Variants in CPQ observed in about 807,000 individuals in gnomAD.
CPQ encodes the protein Ser-Met dipeptidase.
A neutral mutation model predicts 45.7 loss-of-function variants in CPQ; 37 were observed. That is an observed-to-expected ratio of 0.81 (90% confidence interval 0.62 to 1.07). The LOEUF (loss-of-function observed/expected upper bound fraction) is 1.07, where lower values mean the gene tolerates loss of function less well. Among genes scored for constraint, CPQ ranks in the 50% least tolerant of loss-of-function variants. CPQ has a pLI of 0.00. For synonymous variants in CPQ, 186 were observed against 205.8 expected (o/e 0.90, Z 0.82); for missense variants, 537 against 572.9 (o/e 0.94, Z 0.64).
At position 97,046,706 on chromosome 8, in the gene CPQ, A is replaced by C. The variant is rs144619678; in HGVS notation, c.1053+17212A>C. ...CATATTTGTAAATGTGTTTCAGGCAACTCTCCAGGTAGTAACTGAGGGCTG... is the reference window on the plus strand; with the variant it reads ...CATATTTGTAAATGTGTTTCAGGCACCTCTCCAGGTAGTAACTGAGGGCTG... On this transcript the variant is annotated intron_variant, in intron 6 of 7. Coordinates refer to ENST00000220763, the MANE Select transcript of CPQ (RefSeq NM_016134.4). Among the ~76,000 whole-genome samples, 558 of 152,160 alleles carry C rather than the reference A, an allele frequency of 3.7e-3. 1 individual carries two copies. Among genetic ancestry groups the C allele is most frequent in the African/African-American group, 0.012 (511 of 41,510 alleles).
chr8:97,040,836 G>T (rs1348980584), intron 6 of CPQ, among the ~76,000 whole-genome samples: 2 of 152,116 alleles, frequency 1.3e-5, no homozygotes, highest in Admixed American at 6.6e-5. Flanking sequence ...CTGTTCCATT[G>T]ATCTATATCT....
intron 1 of CPQ, among the ~76,000 whole-genome samples, chr8:96,747,940 T>C (rs1203620344): frequency 6.6e-6 from 1 of 152,212 alleles, no homozygotes; most frequent in Non-Finnish European, 1.5e-5. Context: ...TATGATACTT[T>C]GAATGAGAAA....
intron 7 of CPQ, among the ~76,000 whole-genome samples, chr8:97,113,664 G>A (rs1811536978): frequency 6.6e-6 from 1 of 152,196 alleles, no homozygotes; most frequent in Non-Finnish European, 1.5e-5. Flanking sequence ...CAGAAATGGA[G>A]ATAATCACAC....
In CPQ at chr8:96,955,163, G is replaced by A. The variant is rs1211047431; in HGVS notation, c.850-10772G>A. Among the ~76,000 whole-genome samples the A allele has an allele frequency of 1.7e-4, 26 of 152,198 alleles. No individual in the cohort carries two copies. In the East Asian group the frequency reaches 5.0e-3, roughly 29 times the overall value. On this transcript the variant is annotated intron_variant, in intron 4 of 7. Transcript: ENST00000220763. ...GTATTTCTGGTTCTAGATCCCTGAG[G>A]AATCGCCACACTGTCTTCCACAATG...
intron 2 of CPQ, among the ~76,000 whole-genome samples, chr8:96,810,371 G>C (rs1026626345): frequency 6.6e-6 from 1 of 152,180 alleles, no homozygotes; most frequent in Non-Finnish European, 1.5e-5. Flanking sequence ...AAAGGGAGTG[G>C]TGAGGACATG....
rs550393297 is a variant in CPQ at position 96,798,478 on chromosome 8, A to G, written c.433+13148A>G. Among the ~76,000 whole-genome samples, 18 of 152,128 alleles carry G rather than the reference A, an allele frequency of 1.2e-4. No homozygotes were observed. In the East Asian group the frequency reaches 3.5e-3, roughly 29 times the overall value. ...AAAGACTGGCATTTCAAAGGTTTCT[A>G]TCTTTTGTTTATAAACATTCTCCTT... is the stretch of plus-strand genomic sequence containing the variant. On this transcript the variant is annotated intron_variant, in intron 2 of 7. Coordinates refer to ENST00000220763, the MANE Select transcript of CPQ (RefSeq NM_016134.4).
chr8:96,986,140 A>G (rs1167756475), intron 5 of CPQ, among the ~76,000 whole-genome samples: 1 of 152,156 alleles, frequency 6.6e-6, no homozygotes, highest in Non-Finnish European at 1.5e-5. Context: ...TCTTGACCCA[A>G]GTTGCAGCAT....
At chr8:97,082,587 C>T (rs1174919124) in intron 7 of CPQ, among the ~76,000 whole-genome samples, 1 of 152,182 alleles carries the variant, frequency 6.6e-6, no homozygotes, top group Admixed American at 6.5e-5. Flanking sequence ...GAAATTAAAA[C>T]ACCTAGTCTC....
At position 96,714,920 on chromosome 8, in the gene CPQ, A is replaced by G. The variant is rs560602645; in HGVS notation, c.-35+69518A>G. ...AGACTCTGTATGAAATTCGTTGATT[A>G]TAGATAGTCTTTGTATTATGGCTTT... On this transcript the variant is annotated intron_variant, in intron 1 of 7. Coordinates refer to ENST00000220763, the MANE Select transcript of CPQ (RefSeq NM_016134.4). Among the ~76,000 whole-genome samples the G allele has an allele frequency of 4.6e-5, 7 of 152,242 alleles. No homozygotes were observed. In the East Asian group the frequency reaches 1.2e-3, roughly 25 times the overall value.
intron 1 of CPQ, among the ~76,000 whole-genome samples, chr8:96,742,314 T>C (rs1033657950): frequency 5.9e-5 from 9 of 152,224 alleles, no homozygotes; most frequent in Admixed American, 3.9e-4. Flanking sequence ...CTTTTTTTGT[T>C]TTCCATTTGC....
intron 1 of CPQ, among the ~76,000 whole-genome samples, chr8:96,655,961 T>G (rs1010276332): frequency 6.6e-6 from 1 of 152,070 alleles, no homozygotes; most frequent in African/African-American, 2.4e-5. Flanking sequence ...CTCATAAGAT[T>G]CTCCCACCTC....
intron 1 of CPQ, among the ~76,000 whole-genome samples, chr8:96,700,234 C>G (rs1809438939): frequency 6.6e-6 from 1 of 152,054 alleles, no homozygotes; most frequent in Non-Finnish European, 1.5e-5. Context: ...CTGCACTACT[C>G]TGCCAAGGCT....
intron 4 of CPQ, among the ~76,000 whole-genome samples, chr8:96,894,421 A>C (rs1271697592): frequency 6.6e-6 from 1 of 152,236 alleles, no homozygotes; most frequent in Non-Finnish European, 1.5e-5. Flanking sequence ...GACAAATATG[A>C]GTAGGAACTT....
chr8:96,745,700 T>C (rs1380291976), intron 1 of CPQ, among the ~76,000 whole-genome samples: 3 of 152,232 alleles, frequency 2.0e-5, no homozygotes, highest in African/African-American at 7.2e-5. Context: ...AAACCCTTGT[T>C]CTTTTTACTG....
intron 4 of CPQ, among the ~76,000 whole-genome samples, chr8:96,905,777 A>G (rs566429192): frequency 3.4e-4 from 51 of 151,470 alleles, no homozygotes; most frequent in Admixed American, 3.3e-4. Flanking sequence ...AAAAAAAAAA[A>G]AAAAAAGACT....
At chr8:97,044,048 A>C (rs1810186604) in intron 6 of CPQ, among the ~76,000 whole-genome samples, 1 of 152,102 alleles carries the variant, frequency 6.6e-6, no homozygotes, top group Non-Finnish European at 1.5e-5. Flanking sequence ...TAGATTGGGG[A>C]AGTTCTCCTG....
intron 5 of CPQ, among the ~76,000 whole-genome samples, chr8:97,028,276 G>A (rs1335603354): frequency 6.6e-6 from 1 of 152,208 alleles, no homozygotes; most frequent in African/African-American, 2.4e-5. Flanking sequence ...CTTGGAGCCT[G>A]GAAGAGGCAG....
intron 4 of CPQ, among the ~76,000 whole-genome samples, chr8:96,959,280 T>C (rs1216732274): frequency 1.3e-5 from 2 of 152,176 alleles, no homozygotes; most frequent in East Asian, 3.9e-4. Flanking sequence ...TAGAGACTTT[T>C]TGAAAGACCA....
chr8:96,874,075 CA>C (rs1210586599), intron 3 of CPQ, among the ~76,000 whole-genome samples: 2 of 151,766 alleles, frequency 1.3e-5, no homozygotes, highest in Non-Finnish European at 3.0e-5. Context: ...TCATAAGATA[CA>C]CAAGAAATTT....
Sources: gnomAD v4.1 joint callset for allele counts (sites outside exome capture counted in the v4.1 genomes callset) on GRCh38, gnomAD v4.1.1 for gene constraint, MANE v1.5 for transcripts, NCBI Gene and HGNC (gene_info 2026-07-23, HGNC 2026-07-21) for gene names.